HMGA2: variants seen among roughly 807,000 people sequenced by gnomAD.
HMGA2 encodes high mobility group AT-hook 2.
HMGA2 carries 8 observed loss-of-function variants against 19.1 expected under a neutral mutation model. That is an observed-to-expected ratio of 0.42 (90% CI 0.25 to 0.76). The LOEUF is 0.76. HMGA2 is among the 30% of genes least tolerant of loss of function. HMGA2 has a pLI of 0.28. For missense variants in HMGA2, 109 were observed against 136.3 expected (o/e 0.80, Z 1.00); for synonymous variants, 60 against 48.8 (o/e 1.23, Z -0.96).
At chr12:65,900,769 C>G (rs987814670) in intron 3 of HMGA2, among the ~76,000 whole-genome samples, 1 of 152,200 alleles carries the variant, frequency 6.6e-6, no homozygotes, top group African/African-American at 2.4e-5. Context: ...TATACCCAAA[C>G]AGGCCATTGT....
intron 3 of HMGA2, among the ~76,000 whole-genome samples, chr12:65,904,242 G>A (rs1388804067): frequency 6.6e-6 from 1 of 152,224 alleles, no homozygotes; most frequent in Non-Finnish European, 1.5e-5. Flanking sequence ...CACCCAGTGT[G>A]TTCCTTGGCT....
intron 3 of HMGA2, among the ~76,000 whole-genome samples, chr12:65,867,966 G>A (rs575425104): frequency 1.3e-5 from 2 of 152,330 alleles, no homozygotes; most frequent in East Asian, 1.9e-4. Context: ...ACTGGCCACA[G>A]CACAAAGTGA....
At chr12:65,903,612 G>C (rs182349944) in intron 3 of HMGA2, among the ~76,000 whole-genome samples, 1 of 152,062 alleles carries the variant, frequency 6.6e-6, no homozygotes, top group African/African-American at 2.4e-5. Context: ...TAAAAGGTTC[G>C]AGAAATCACA....
At chr12:65,958,808 C>G (rs1025621635) in intron 4 of HMGA2, 1 of 151,836 alleles carries the variant, frequency 6.6e-6, no homozygotes, top group East Asian at 1.9e-4. Context: ...TATTTCTGGC[C>G]TGCAACATCA....
intron 3 of HMGA2, among the ~76,000 whole-genome samples, chr12:65,921,860 C>T (rs992168615): frequency 2.0e-5 from 3 of 152,210 alleles, no homozygotes; most frequent in African/African-American, 4.8e-5. Flanking sequence ...TGTGTCCCAG[C>T]AGCTCCAGCT....
chr12:65,915,191 A>G (rs1041151439), intron 3 of HMGA2: 5 of 1,608,438 alleles, frequency 3.1e-6, no homozygotes, highest in African/African-American at 2.7e-5. Flanking sequence ...GGAATTGTCC[A>G]TTACATCTAT....
Position 65,963,220 on chromosome 12 carries a change from T to C in HMGA2, c.283-25T>C, listed in dbSNP as rs57800850. 10,713 of 1,612,376 alleles carry C rather than the reference T, an allele frequency of 6.6e-3. 621 individuals are homozygous for C. The African/African-American group carries it at 0.12, about 19-fold the overall frequency. ...CACACAGTATAACGATTGAGCGTCA[T>C]GGCTGTGCCCTTTGTGTGTTCCAGG... is the stretch of plus-strand genomic sequence containing the variant. On this transcript the variant is annotated intron_variant, in intron 4 of 4. Coordinates refer to ENST00000403681, the MANE Select transcript of HMGA2 (RefSeq NM_003483.6).
intron 3 of HMGA2, chr12:65,842,348 T>C (rs529592835): frequency 4.1e-5 from 25 of 610,766 alleles, no homozygotes; most frequent in South Asian, 1.1e-4. Context: ...TCAGTAAATG[T>C]TGGAAATTAT....
At chr12:65,939,450 G>C (rs1255317305) in intron 3 of HMGA2, among the ~76,000 whole-genome samples, 1 of 151,660 alleles carries the variant, frequency 6.6e-6, no homozygotes, top group Non-Finnish European at 1.5e-5. Flanking sequence ...CCACTTCCCA[G>C]AGTCAAGCTA....
chr12:65,958,528 C>G (rs1214204667), intron 4 of HMGA2: 1 of 152,140 alleles, frequency 6.6e-6, no homozygotes, highest in Non-Finnish European at 1.5e-5. Context: ...AAAAACTCAG[C>G]CTTGTGGTCT....
In HMGA2 at chr12:65,898,447, T is replaced by C. The variant is rs181129849; in HGVS notation, c.250-52936T>C. 5.0e-3 allele frequency among the ~76,000 whole-genome samples: 759 copies of C among 152,304 alleles called. 1 individual carries two copies. Among genetic ancestry groups the C allele is most frequent in the Admixed American group, 8.4e-3 (128 of 15,296 alleles). Reference sequence around the variant, plus strand: ...CAGCCTCAAGGAAATCTGCAGTGGCTAGTGTTTCCCACAGGGCCCCATTAC... The same window carrying C: ...CAGCCTCAAGGAAATCTGCAGTGGCCAGTGTTTCCCACAGGGCCCCATTAC... On this transcript the variant is annotated intron_variant, in intron 3 of 4. Coordinates refer to ENST00000403681, the MANE Select transcript of HMGA2 (RefSeq NM_003483.6).
intron 3 of HMGA2, among the ~76,000 whole-genome samples, chr12:65,932,391 G>C (rs1353206469): frequency 6.6e-6 from 1 of 152,174 alleles, no homozygotes; most frequent in Non-Finnish European, 1.5e-5. Flanking sequence ...CACTAGACTT[G>C]TCAAGTGGCA....
At chr12:65,842,631 A>G (rs1429642443) in intron 3 of HMGA2, 2 of 1,535,548 alleles carry the variant, frequency 1.3e-6, no homozygotes, top group Non-Finnish European at 1.7e-6. Context: ...TTCTTCCAAT[A>G]GCAGAGATTT....
At chr12:65,906,820 TGTAC>T (rs1874611246) in intron 3 of HMGA2, among the ~76,000 whole-genome samples, 1 of 152,218 alleles carries the variant, frequency 6.6e-6, no homozygotes, top group South Asian at 2.1e-4. Context: ...TTGTTTAGAT[TGTAC>T]GTTCTTTGAG....
intron 3 of HMGA2, among the ~76,000 whole-genome samples, chr12:65,910,185 G>A (rs1874784107): frequency 6.6e-6 from 1 of 152,092 alleles, no homozygotes; most frequent in African/African-American, 2.4e-5. Context: ...TTTTTACTCA[G>A]CCACAGCTGA....
At chr12:65,855,016 T>C (rs998797951) in intron 3 of HMGA2, among the ~76,000 whole-genome samples, 1 of 152,200 alleles carries the variant, frequency 6.6e-6, no homozygotes, top group Non-Finnish European at 1.5e-5. Flanking sequence ...TTCAGAGTTC[T>C]GCCAACTTCA....
intron 3 of HMGA2, among the ~76,000 whole-genome samples, chr12:65,870,637 G>A (rs1332408999): frequency 3.9e-5 from 6 of 152,338 alleles, no homozygotes; most frequent in Non-Finnish European, 4.4e-5. Context: ...GCTGAGGCAG[G>A]AGAATCACTT....
intron 2 of HMGA2, among the ~76,000 whole-genome samples, chr12:65,834,545 T>C (rs2120854459): frequency 6.7e-6 from 1 of 148,670 alleles, no homozygotes; most frequent in Middle Eastern, 3.4e-3. Flanking sequence ...TTCCTTTTTT[T>C]CCTTCCTTCC....
At chr12:65,834,566 C>T (rs1051799357) in intron 2 of HMGA2, among the ~76,000 whole-genome samples, 2 of 131,870 alleles carry the variant, frequency 1.5e-5, no homozygotes, top group Admixed American at 8.0e-5. Flanking sequence ...TTCTTTCCTT[C>T]CCTCCCTCAC....
Sources: gnomAD v4.1 joint callset for allele counts (sites outside exome capture counted in the v4.1 genomes callset) on GRCh38, gnomAD v4.1.1 for gene constraint, MANE v1.5 for transcripts, NCBI Gene and HGNC (gene_info 2026-07-23, HGNC 2026-07-21) for gene names.